The following SMURF2 variants were observed in gnomAD, a reference collection of about 807,000 sequenced individuals.
The protein encoded by SMURF2 is E3 ubiquitin-protein ligase SMURF2.
In SMURF2, 48 loss-of-function variants were observed where a neutral mutation model predicts 109.6. The ratio of observed to expected loss-of-function variants is 0.44; its 90% CI spans 0.35 to 0.56. The LOEUF (loss-of-function observed/expected upper bound fraction) is 0.56, where lower values mean the gene tolerates loss of function less well. Among genes scored for constraint, SMURF2 ranks in the 20% least tolerant of loss-of-function variants. SMURF2 has a pLI of 0.01. For synonymous variants in SMURF2, 288 were observed against 317.1 expected (o/e 0.91, Z 0.97); for missense variants, 575 against 909.0 (o/e 0.63, Z 4.72).
At chr17:64,559,141 G>T (rs1555684280) in intron 12 of SMURF2, among the ~76,000 whole-genome samples, 1 of 152,092 alleles carries the variant, frequency 6.6e-6, no homozygotes, top group Admixed American at 6.6e-5. Flanking sequence ...TTTTTAAAAA[G>T]AAAATCCAAA....
intron 1 of SMURF2, among the ~76,000 whole-genome samples, chr17:64,644,661 C>T (rs1970536873): frequency 6.6e-6 from 1 of 150,716 alleles, no homozygotes; most frequent in African/African-American, 2.4e-5. Flanking sequence ...CCTGTAATCA[C>T]AGCACTTTGG....
chr17:64,571,993 G>T, intron 9 of SMURF2, 37 bp from the exon 10 acceptor site: 1 of 1,569,302 alleles, frequency 6.4e-7, no homozygotes, highest in Non-Finnish European at 8.7e-7. Context: ...ATACCTCATT[G>T]CTCGCCCTGC....
intron 8 of SMURF2, 129 bp downstream of exon 8, chr17:64,580,660 G>GT: frequency 1.1e-6 from 1 of 948,820 alleles, no homozygotes; most frequent in Non-Finnish European, 1.6e-6. Flanking sequence ...AAGTTGGGAG[G>GT]TTTTATATTT....
chr17:64,593,290 G>T, intron 4 of SMURF2, 150 bp downstream of exon 4: 1 of 515,820 alleles, frequency 1.9e-6, no homozygotes, highest in Non-Finnish European at 2.7e-6. Context: ...TGTGTTTGAA[G>T]CCCTACCAAC....
chr17:64,604,629 G>A (rs1395139456), intron 2 of SMURF2, among the ~76,000 whole-genome samples: 2 of 150,686 alleles, frequency 1.3e-5, no homozygotes, highest in Non-Finnish European at 2.9e-5. Context: ...AGATGTCTTG[G>A]AGAGTGCAGA....
At chr17:64,644,073 T>C (rs1970524746) in intron 1 of SMURF2, among the ~76,000 whole-genome samples, 1 of 152,066 alleles carries the variant, frequency 6.6e-6, no homozygotes, top group South Asian at 2.1e-4. Context: ...TGGCACAATC[T>C]TGGCTCACTG....
At chr17:64,606,778 T>C in intron 1 of SMURF2, 138 bp from the exon 2 acceptor site, 1 of 571,356 alleles carries the variant, frequency 1.8e-6, no homozygotes, top group Non-Finnish European at 3.0e-6. Flanking sequence ...CCACAAACTT[T>C]CGAACTAGCA....
intron 1 of SMURF2, among the ~76,000 whole-genome samples, chr17:64,623,163 C>G (rs1316417680): frequency 1.3e-5 from 2 of 152,046 alleles, no homozygotes; most frequent in Non-Finnish European, 2.9e-5. Flanking sequence ...GTCATTTCTC[C>G]AAGCAACCCT....
chr17:64,568,837 A>C (rs1301613474), intron 10 of SMURF2, among the ~76,000 whole-genome samples: 1 of 151,662 alleles, frequency 6.6e-6, no homozygotes, highest in Non-Finnish European at 1.5e-5. Flanking sequence ...CTTCGTCTCT[A>C]CTAAAAATAC....
intron 16 of SMURF2, among the ~76,000 whole-genome samples, chr17:64,550,896 CAAAT>C (rs2144588508): frequency 6.6e-6 from 1 of 152,124 alleles, no homozygotes; most frequent in African/African-American, 2.4e-5. Context: ...GGCTCTTACC[CAAAT>C]AAATTTCAAA....
At chr17:64,571,167 A>C (rs1360404988) in intron 10 of SMURF2, among the ~76,000 whole-genome samples, 1 of 152,186 alleles carries the variant, frequency 6.6e-6, no homozygotes, top group African/African-American at 2.4e-5. Flanking sequence ...AATTATTAAT[A>C]ATTTTGTATT....
In SMURF2 at chr17:64,581,409, T is replaced by C. The variant is rs1253484980; in HGVS notation, c.570-418A>G. ...CCAAGGTCATTCCACCTGAGAGCAG[T>C]TGCTCTTCCTTCCATCTGGCATATT... On this transcript the variant is annotated intron_variant, in intron 7 of 18. Coordinates refer to ENST00000262435, the MANE Select transcript of SMURF2 (RefSeq NM_022739.4). The surrounding 1 kb of genome is among the most constrained non-coding windows in gnomAD (Gnocchi z 4.3). Among the ~76,000 whole-genome samples the C allele has an allele frequency of 6.6e-6, 1 of 152,142 alleles. No homozygotes were observed.
Position 64,557,867 on chromosome 17 carries a change from T to C in SMURF2, c.1317-145A>G, listed in dbSNP as rs553280078. ...CTAACTACAGTTATATAAGATCACA[T>C]TGGAAAAATCTACCGTACCCAAATA... On this transcript the variant is annotated intron_variant, in intron 12 of 18. Coordinates refer to ENST00000262435, the MANE Select transcript of SMURF2 (RefSeq NM_022739.4). The C allele has an allele frequency of 1.4e-4, 73 of 529,998 alleles. 2 individuals carry two copies. Among genetic ancestry groups the C allele is most frequent in the Admixed American group, 1.0e-3 (29 of 27,972 alleles). 32.8% of individuals were successfully genotyped at this position (529,998 alleles called of 1,614,324 possible). A position where few individuals can be genotyped will look rare whatever the true frequency, so the allele number is the denominator to read the frequency against.
At chr17:64,646,524 G>C (rs1038210546) in intron 1 of SMURF2, among the ~76,000 whole-genome samples, 10 of 151,696 alleles carry the variant, frequency 6.6e-5, no homozygotes, top group African/African-American at 2.4e-4. Context: ...GTTGGGACTA[G>C]AGGTATGCAC....
chr17:64,604,658 CCT>C (rs1969944537), intron 2 of SMURF2, among the ~76,000 whole-genome samples: 1 of 152,028 alleles, frequency 6.6e-6, no homozygotes, highest in African/African-American at 2.4e-5. Context: ...TAAGAGTGCT[CCT>C]CTCAGCCGGG....
rs149370627 is a variant in SMURF2, at chr17:64,549,204, T to C, written c.1870-1403A>G. On this transcript the variant is annotated intron_variant, in intron 16 of 18. Transcript: ENST00000262435. Reference sequence around the variant, plus strand: ...ATGAGAATCGCTTGAACCCAGGAAGTAGAGGTTGTAGGGAGCTGAGATCCC... The same window carrying C: ...ATGAGAATCGCTTGAACCCAGGAAGCAGAGGTTGTAGGGAGCTGAGATCCC... 4.1e-3 allele frequency among the ~76,000 whole-genome samples: 532 copies of C among 128,870 alleles called. 1 individual carries two copies. The highest frequency in any genetic ancestry group is 0.016 in the African/African-American group (514 of 32,752). 84.5% of individuals were successfully genotyped at this position (128,870 alleles called of 152,430 possible).
intron 1 of SMURF2, among the ~76,000 whole-genome samples, chr17:64,644,131 A>G (rs1368029976): frequency 3.3e-5 from 5 of 152,026 alleles, no homozygotes; most frequent in Non-Finnish European, 7.4e-5. Flanking sequence ...TCAGCCTCCC[A>G]AGTAGTTGGG....
chr17:64,611,850 T>A (rs1970048908), intron 1 of SMURF2, among the ~76,000 whole-genome samples: 1 of 152,178 alleles, frequency 6.6e-6, no homozygotes, highest in Admixed American at 6.5e-5. Flanking sequence ...CTTCAAGCCC[T>A]GGCTCCTGCT....
In SMURF2 at chr17:64,549,412, C is replaced by T. The variant is rs183448564; in HGVS notation, c.1870-1611G>A. ...GAGCTAGGATCATGGTACTGCACTC[C>T]AGCCTAGGCAACAGAGTGAGACTCT... On this transcript the variant is annotated intron_variant, in intron 16 of 18. Transcript: ENST00000262435. Among the ~76,000 whole-genome samples the T allele has an allele frequency of 2.9e-3, 433 of 151,710 alleles. 2 individuals carry two copies. The highest frequency in any genetic ancestry group is 9.7e-3 in the African/African-American group (400 of 41,318).
Sources: gnomAD v4.1 joint callset for allele counts (sites outside exome capture counted in the v4.1 genomes callset) on GRCh38, gnomAD v4.1.1 for gene constraint, Gnocchi (gnomAD v3.1) non-coding constraint, MANE v1.5 for transcripts, NCBI Gene and HGNC (gene_info 2026-07-23, HGNC 2026-07-21) for gene names.